Variants in RDH8 observed in about 807,000 individuals in gnomAD.
RDH8 encodes retinol dehydrogenase 8, also known as photoreceptor outer segment all-trans retinol dehydrogenase.
In RDH8, 14 loss-of-function variants were observed where a neutral mutation model predicts 22.3. That is an observed-to-expected ratio of 0.63 (90% CI 0.42 to 0.98). The LOEUF (loss-of-function observed/expected upper bound fraction) is 0.98. Ranked by LOEUF, RDH8 falls within the 50% of genes least tolerant of loss-of-function variation. The pLI is 0.00. For missense variants in RDH8, 389 were observed against 409.8 expected (o/e 0.95, Z 0.44); for synonymous variants, 175 against 171.7 (o/e 1.02, Z -0.15).
intron 2 of RDH8, among the ~76,000 whole-genome samples, chr19:10,018,301 C>T (rs1004795329): frequency 6.6e-5 from 10 of 152,076 alleles, no homozygotes; most frequent in Admixed American, 5.2e-4. Context: ...CAATCTGAGG[C>T]CTGGAGGTGG....
rs1399285675 is a variant in RDH8, at chr19:10,020,784, T to G, written c.518T>G (p.Leu173Arg). 2 of 1,609,294 alleles carry G rather than the reference T, an allele frequency of 1.2e-6. No homozygotes were observed. Among genetic ancestry groups the G allele is most frequent in the African/African-American group, 2.7e-5 (2 of 74,866 alleles). The change falls in exon 4 of 6, where the codon CTG becomes CGG. Residue 173 changes from leucine to arginine, a missense_variant. Coordinates refer to ENST00000591589, the MANE Select transcript of RDH8 (RefSeq NM_015725.4). ...EGFFESLAIQ[L>R]LQFNIFISLV... ...TTCTTCGAAAGCCTCGCTATCCAGC[T>G]GCTGCAGTTCAACATCTTGTGAGGC...
In RDH8 at chr19:10,021,258, C is replaced by T. The variant is rs1286577533; in HGVS notation, c.540C>T (p.Ile180=). The change falls in exon 5 of 6, where the codon ATC becomes ATT. Residue 180 remains isoleucine, a synonymous_variant. Coordinates refer to ENST00000591589, the MANE Select transcript of RDH8 (RefSeq NM_015725.4). The part of the protein sequence containing the change: ...AIQLLQFNIF[I]SLVEPGPVVT... Reference sequence around the variant, plus strand: ...ACTACCCATGCCTGGTCGCCAGCATCTCCCTGGTGGAGCCAGGCCCCGTGG... The same window carrying T: ...ACTACCCATGCCTGGTCGCCAGCATTTCCCTGGTGGAGCCAGGCCCCGTGG... 6 of 1,613,906 alleles carry T rather than the reference C, an allele frequency of 3.7e-6. No homozygotes were observed. The Admixed American group carries it at 1.0e-4, about 27-fold the overall frequency.
At position 10,016,313 on chromosome 19, in the gene RDH8, AT is replaced by A. The variant is rs59119984; in HGVS notation, c.104-729del. Reference sequence around the variant, plus strand: ...AGGCGCCTGCCACCACGCCAGGCTAATTTTTTTTTTTTTTTGTATTTTTAGT... The same window carrying A: ...AGGCGCCTGCCACCACGCCAGGCTAATTTTTTTTTTTTTTGTATTTTTAGT... On this transcript the variant is annotated intron_variant, in intron 1 of 5. Coordinates refer to ENST00000591589, the MANE Select transcript of RDH8 (RefSeq NM_015725.4). Among the ~76,000 whole-genome samples, 822 of 128,228 alleles carry A rather than the reference AT, an allele frequency of 6.4e-3. 12 individuals carry two copies. Among genetic ancestry groups the A allele is most frequent in the African/African-American group, 0.02 (673 of 34,026 alleles). 84.1% of individuals were successfully genotyped at this position (128,228 alleles called of 152,430 possible). A position where few individuals can be genotyped will look rare whatever the true frequency, so the allele number is the denominator to read the frequency against.
chr19:10,021,599 G>T lies in RDH8; in HGVS notation c.786G>T (p.Ser262=). 6.2e-7 allele frequency: 1 copy of T among 1,614,090 alleles called. No individual in the cohort carries two copies. The highest frequency in any genetic ancestry group is 1.1e-5 in the South Asian group (1 of 91,086). ...PLRRQTNIRY[S]PLTTLKTVDS... ...GCCGACAGACCAACATCCGCTACTC[G>T]CCGCTGACCACGCTCAAAACCGTGG... is the stretch of plus-strand genomic sequence containing the variant. The change falls in exon 6 of 6, where the codon TCG becomes TCT. Residue 262 remains serine (S), a synonymous_variant. Transcript: ENST00000591589.
At chr19:10,021,173 C>CT (rs35664342) in intron 4 of RDH8, 82 bp from the exon 5 acceptor site, 311,657 of 1,174,288 alleles carry the variant, frequency 0.27, 19,956 homozygotes, top group East Asian at 0.36. Context: ...GACCCTGTAT[C>CT]TTAAAAAAAA....
At chr19:10,017,792 C>T (rs2087630681) in intron 2 of RDH8, among the ~76,000 whole-genome samples, 1 of 150,978 alleles carries the variant, frequency 6.6e-6, no homozygotes, top group South Asian at 2.1e-4. Flanking sequence ...ATTACAGGTG[C>T]CTGCCACCAT....
intron 1 of RDH8, among the ~76,000 whole-genome samples, chr19:10,016,437 G>A (rs1444171424): frequency 1.3e-5 from 2 of 151,068 alleles, no homozygotes; most frequent in Non-Finnish European, 2.9e-5. Flanking sequence ...TTACAGGCGT[G>A]AGCCACCGCG....
rs370450564 is a variant in RDH8 at position 10,017,791 on chromosome 19, G to A, written c.262+576G>A. Reference sequence around the variant, plus strand: ...CTCCTGAGTAGCTGGGATTACAGGTGCCTGCCACCATGCCCAGCTAATTTT... The same window carrying A: ...CTCCTGAGTAGCTGGGATTACAGGTACCTGCCACCATGCCCAGCTAATTTT... On this transcript the variant is annotated intron_variant, in intron 2 of 5. Coordinates refer to ENST00000591589, the MANE Select transcript of RDH8 (RefSeq NM_015725.4). 6.0e-3 allele frequency among the ~76,000 whole-genome samples: 907 copies of A among 150,414 alleles called. 7 individuals are homozygous for A. The highest frequency in any genetic ancestry group is 0.014 in the Middle Eastern group (4 of 288).
intron 1 of RDH8, among the ~76,000 whole-genome samples, chr19:10,016,167 T>TTTA (rs1478398482): frequency 1.5e-5 from 2 of 137,256 alleles, no homozygotes; most frequent in East Asian, 4.7e-4. Context: ...TTATTTATTT[T>TTTA]GAGACAGTCT....
At chr19:10,013,838 G>T (rs1045724054) in intron 1 of RDH8, among the ~76,000 whole-genome samples, 1 of 152,296 alleles carries the variant, frequency 6.6e-6, no homozygotes, top group South Asian at 2.1e-4. Context: ...CGGGTGTCAT[G>T]TGGGGAGGAG....
At chr19:10,013,670 C>A (rs965966662) in intron 1 of RDH8, 70 bp downstream of exon 1, 1 of 1,517,762 alleles carries the variant, frequency 6.6e-7, no homozygotes, top group Non-Finnish European at 9.1e-7. Context: ...TCTCCCCTAC[C>A]CATCCCTCCC....
At chr19:10,017,876 C>A (rs951763480) in intron 2 of RDH8, among the ~76,000 whole-genome samples, 1 of 151,978 alleles carries the variant, frequency 6.6e-6, no homozygotes, top group Non-Finnish European at 1.5e-5. Context: ...AAACTCCTGA[C>A]CTCAAGTGAT....
rs960270216 is a variant in RDH8 at position 10,022,230 on chromosome 19, C to T, written c.*481C>T. On this transcript the variant is annotated 3_prime_UTR_variant, in exon 6 of 6. Transcript: ENST00000591589. The stretch of plus-strand genomic sequence containing the variant: ...TCAGCAAAATGTATTTGAGCACACA[C>T]CAGCAATGTATGTATATTTTTTCCA... 3.2e-5 allele frequency: 5 copies of T among 157,658 alleles called. No individual in the cohort carries two copies. Among genetic ancestry groups the T allele is most frequent in the Admixed American group, 1.2e-4 (2 of 16,280 alleles). 9.8% of individuals were successfully genotyped at this position (157,658 alleles called of 1,614,324 possible). A position where few individuals can be genotyped will look rare whatever the true frequency, so the allele number is the denominator to read the frequency against.
rs2087658118 is a variant in RDH8 at position 10,021,435 on chromosome 19, T to A, written c.717T>A (p.Val239=). 3 of 1,613,962 alleles carry A rather than the reference T, an allele frequency of 1.9e-6. No individual in the cohort carries two copies. Among genetic ancestry groups the A allele is most frequent in the Non-Finnish European group, 2.5e-6 (3 of 1,180,018 alleles). ...CSVGQNPQDV[V]QAIVNVISST... is the part of the protein sequence containing the mutation. ...TGGGACAGAACCCACAGGACGTGGTTCAGGTGAGTGAAGGGCCCAGAGCCC... is the reference window on the plus strand; with the variant it reads ...TGGGACAGAACCCACAGGACGTGGTACAGGTGAGTGAAGGGCCCAGAGCCC... The change falls in exon 5 of 6, where the codon GTT becomes GTA. Residue 239 remains valine, a synonymous_variant. Transcript: ENST00000591589.
chr19:10,021,652 C>G lies in RDH8; in HGVS notation c.839C>G (p.Thr280Arg), dbSNP rs764504717. 2 of 1,614,142 alleles carry G rather than the reference C, an allele frequency of 1.2e-6. No homozygotes were observed. The highest frequency in any genetic ancestry group is 1.7e-6 in the Non-Finnish European group (2 of 1,180,014). Residue 280 changes from threonine to arginine, a missense_variant, in exon 6 of 6, where the codon ACG becomes AGG. Thr to Arg is a moderately conservative substitution (Grantham distance 71). Transcript: ENST00000591589. Reference sequence around the variant, plus strand: ...TCCTCTGGCAGCCTGTATGTGCGAACGACCCACCGCCTCCTCTTCCGCTGT... The same window carrying G: ...TCCTCTGGCAGCCTGTATGTGCGAAGGACCCACCGCCTCCTCTTCCGCTGT... ...VDSSGSLYVRTTHRLLFRCPR... is the reference protein window; with the variant it reads ...VDSSGSLYVRRTHRLLFRCPR...
intron 2 of RDH8, 100 bp from the exon 3 acceptor site, chr19:10,018,631 T>C: frequency 2.1e-6 from 2 of 938,396 alleles, no homozygotes; most frequent in Admixed American, 2.5e-5. Flanking sequence ...TGGACTGGCC[T>C]TGGACTTGGA....
chr19:10,017,539 C>T (rs1057275055), intron 2 of RDH8, among the ~76,000 whole-genome samples: 9 of 152,156 alleles, frequency 5.9e-5, no homozygotes, highest in Non-Finnish European at 8.8e-5. Context: ...CATGCCTAAT[C>T]CCAGCTACTC....
Position 10,020,368 on chromosome 19 carries a change from G to GAAA in RDH8, c.443-341_443-340insAAA, listed in dbSNP as rs1475330105. On this transcript the variant is annotated intron_variant, in intron 3 of 5. Transcript: ENST00000591589. ...AGGGAGGGAGGGAGGGAGGAAGGAAGGAAGGGAGGGAGGAAGAGAGACAAG... is the reference window on the plus strand; with the variant it reads ...AGGGAGGGAGGGAGGGAGGAAGGAAGAAAGAAGGGAGGGAGGAAGAGAGACAAG... 3.6e-3 allele frequency among the ~76,000 whole-genome samples: 540 copies of GAAA among 150,538 alleles called. 5 individuals carry two copies. Among genetic ancestry groups the GAAA allele is most frequent in the African/African-American group, 0.012 (509 of 40,810 alleles).
intron 1 of RDH8, among the ~76,000 whole-genome samples, chr19:10,016,297 C>T (rs1418034724): frequency 6.8e-6 from 1 of 147,868 alleles, no homozygotes; most frequent in Non-Finnish European, 1.5e-5. Flanking sequence ...CAGGCGCCTG[C>T]CACCACGCCA....
Sources: allele counts gnomAD v4.1 joint callset (sites outside exome capture counted in the v4.1 genomes callset), GRCh38; gene constraint gnomAD v4.1.1; transcripts MANE v1.5; gene names NCBI Gene and HGNC (gene_info 2026-07-23, HGNC 2026-07-21).